Variants in SLC5A10 observed in about 807,000 individuals in gnomAD.
The protein encoded by SLC5A10 is solute carrier family 5 member 10.
Under a neutral mutation model 68.9 loss-of-function variants are expected in SLC5A10, and 55 were observed. That is an observed-to-expected ratio of 0.80 (90% CI 0.64 to 1.00). The LOEUF (loss-of-function observed/expected upper bound fraction) is 1.00. SLC5A10 is among the 50% of genes least tolerant of loss of function. SLC5A10 has a pLI of 0.00. For missense variants in SLC5A10, 732 were observed against 819.3 expected (o/e 0.89, Z 1.30); for synonymous variants, 344 against 344.8 (o/e 1.00, Z 0.02).
At chr17:19,020,301 C>T in intron 14 of SLC5A10, 24 bp from the exon 15 acceptor site, 1 of 1,613,848 alleles carries the variant, frequency 6.2e-7, no homozygotes, top group Non-Finnish European at 8.5e-7. Flanking sequence ...TCATCTGTCC[C>T]TCTCCTTCTG....
intron 9 of SLC5A10, among the ~76,000 whole-genome samples, chr17:18,983,273 C>A (rs1228048601): frequency 1.3e-5 from 2 of 152,282 alleles, no homozygotes; most frequent in Non-Finnish European, 2.9e-5. Flanking sequence ...TCACACAACC[C>A]CGTGAGGCAT....
chr17:18,981,175 C>G (rs1010659228), intron 9 of SLC5A10, among the ~76,000 whole-genome samples: 14 of 152,142 alleles, frequency 9.2e-5, no homozygotes, highest in Non-Finnish European at 1.6e-4. Context: ...CCCAGGATCG[C>G]AGAGGAGTAG....
At chr17:18,950,708 T>TTTG (rs996042627), upstream of SLC5A10, 41 of 985,324 alleles carry the variant, frequency 4.2e-5, no homozygotes, top group South Asian at 3.3e-4. Flanking sequence ...TTAATTGTTT[T>TTTG]TTGTTGTTGT....
intron 9 of SLC5A10, chr17:18,988,566 G>A (rs1188494006): frequency 7.6e-7 from 1 of 1,321,250 alleles, no homozygotes; most frequent in Non-Finnish European, 1.0e-6. Flanking sequence ...GGACCAGGAA[G>A]TGAGGGGCCA....
upstream of SLC5A10, chr17:18,952,146 C>T (rs780125147): frequency 6.4e-7 from 1 of 1,563,170 alleles, no homozygotes; most frequent in Non-Finnish European, 8.7e-7. Flanking sequence ...GAAACCCTTT[C>T]TGACCTGGTT....
chr17:19,017,620 C>A lies in SLC5A10; in HGVS notation c.1242-1803C>A. 3.7e-6 allele frequency: 2 copies of A among 534,916 alleles called. No homozygotes were observed. Among genetic ancestry groups the A allele is most frequent in the South Asian group, 2.1e-5 (1 of 47,474 alleles). 33.1% of individuals were successfully genotyped at this position (534,916 alleles called of 1,614,324 possible). A position where few individuals can be genotyped will look rare whatever the true frequency, so the allele number is the denominator to read the frequency against. On this transcript the variant is annotated intron_variant, in intron 11 of 14. Transcript: ENST00000395645. The surrounding 1 kb of genome is among the most constrained non-coding windows in gnomAD (Gnocchi z 5.6). ...CTCCCGTATGCCTGCCCCAAGCCCCCACACCTCAGTCCACTGTTCCGCCAC... is the reference window on the plus strand; with the variant it reads ...CTCCCGTATGCCTGCCCCAAGCCCCAACACCTCAGTCCACTGTTCCGCCAC...
intron 9 of SLC5A10, among the ~76,000 whole-genome samples, chr17:19,002,862 TG>T (rs1003613840): frequency 5.3e-5 from 8 of 152,110 alleles, no homozygotes; most frequent in African/African-American, 1.9e-4. Context: ...TCCCTTCCGG[TG>T]GCAAAATTCA....
chr17:18,977,010 T>G (rs1027724922), intron 9 of SLC5A10, 21 bp downstream of exon 9: 1 of 1,609,624 alleles, frequency 6.2e-7, no homozygotes, highest in African/African-American at 1.3e-5. Flanking sequence ...CTCCGGGCAC[T>G]GAACCCAGGC....
At chr17:18,974,732 C>T (rs2042937611) in intron 8 of SLC5A10, among the ~76,000 whole-genome samples, 1 of 152,228 alleles carries the variant, frequency 6.6e-6, no homozygotes, top group Non-Finnish European at 1.5e-5. Context: ...TGGCCGGCTA[C>T]ACTAGCAGCC....
chr17:18,982,524 G>A (rs2043164677), intron 9 of SLC5A10, among the ~76,000 whole-genome samples: 1 of 152,196 alleles, frequency 6.6e-6, no homozygotes, highest in Non-Finnish European at 1.5e-5. Flanking sequence ...AAAAGTCTTT[G>A]GACCCTCTGG....
At chr17:18,955,389 C>T (rs2042477891) in intron 1 of SLC5A10, among the ~76,000 whole-genome samples, 1 of 152,162 alleles carries the variant, frequency 6.6e-6, no homozygotes, top group South Asian at 2.1e-4. Context: ...TAACATGGCA[C>T]CTGCTTCATA....
intron 9 of SLC5A10, chr17:18,977,703 TTA>T: frequency 6.2e-7 from 1 of 1,610,108 alleles, no homozygotes; most frequent in Non-Finnish European, 8.5e-7. Flanking sequence ...GTCCCTCGGG[TTA>T]TATGGGGGGC....
At position 18,977,748 on chromosome 17, in the gene SLC5A10, C is replaced by T. The variant is rs572824194; in HGVS notation, c.982+759C>T. On this transcript the variant is annotated intron_variant, in intron 9 of 14. Coordinates refer to ENST00000395645, the MANE Select transcript of SLC5A10 (RefSeq NM_001042450.4). ...TGCCGGCGCGGTGGTGGGGTTGGCCCGTTGGCCACTTGCTCTGAGTGGCGC... is the reference window on the plus strand; with the variant it reads ...TGCCGGCGCGGTGGTGGGGTTGGCCTGTTGGCCACTTGCTCTGAGTGGCGC... The T allele has an allele frequency of 1.4e-4, 232 of 1,605,686 alleles. 1 individual carries two copies. Among genetic ancestry groups the T allele is most frequent in the East Asian group, 5.4e-4 (24 of 44,818 alleles).
At chr17:19,016,204 C>T (rs1008054170) in intron 11 of SLC5A10, among the ~76,000 whole-genome samples, 1 of 152,106 alleles carries the variant, frequency 6.6e-6, no homozygotes, top group South Asian at 2.1e-4. Flanking sequence ...CACCACCACG[C>T]CTGGCTACTT....
intron 9 of SLC5A10, among the ~76,000 whole-genome samples, chr17:18,994,429 A>G (rs1486094466): frequency 6.6e-6 from 1 of 152,132 alleles, no homozygotes; most frequent in Non-Finnish European, 1.5e-5. Flanking sequence ...GGAGTGCCGC[A>G]GGGGAGAGAG....
At chr17:19,020,132 C>G (rs762334871) in intron 13 of SLC5A10, 23 bp from the exon 14 acceptor site, 1 of 1,609,328 alleles carries the variant, frequency 6.2e-7, no homozygotes, top group East Asian at 2.2e-5. Context: ...ACCCCCAACC[C>G]TATCCTCACT....
rs1024344103 is a variant in SLC5A10, at chr17:18,996,018, G to A, written c.983-17392G>A. 5.3e-5 allele frequency among the ~76,000 whole-genome samples: 8 copies of A among 151,476 alleles called. No individual in the cohort carries two copies. The highest frequency in any genetic ancestry group is 1.3e-4 in the Admixed American group (2 of 15,200). On this transcript the variant is annotated intron_variant, in intron 9 of 14. Transcript: ENST00000395645. This position sits in a 1 kb window ranked among gnomAD's most constrained non-coding sequence, Gnocchi z 4.4. ...ACTTAAAGTCAGTAACAAAGAGAGC[G>A]TTAAAAACAACCAGAAGAGAAAAGA...
chr17:19,003,791 G>A lies in SLC5A10; in HGVS notation c.983-9619G>A. ...GTCCTCGGGCCCCTGAGAGGGGCCC[G>A]TGCCCCGAGGGTCCTCAGAGCCCGG... On this transcript the variant is annotated intron_variant, in intron 9 of 14. Coordinates refer to ENST00000395645, the MANE Select transcript of SLC5A10 (RefSeq NM_001042450.4). The surrounding 1 kb of genome is among the most constrained non-coding windows in gnomAD (Gnocchi z 4.5). 6.2e-7 allele frequency: 1 copy of A among 1,612,140 alleles called. No homozygotes were observed. Among genetic ancestry groups the A allele is most frequent in the African/African-American group, 1.3e-5 (1 of 75,006 alleles).
intron 9 of SLC5A10, among the ~76,000 whole-genome samples, chr17:19,006,555 C>T (rs924305401): frequency 3.9e-5 from 6 of 152,094 alleles, no homozygotes; most frequent in African/African-American, 1.4e-4. Flanking sequence ...ACCAGTTTTA[C>T]ATGCACTCAT....
Sources: gnomAD v4.1 joint callset for allele counts (sites outside exome capture counted in the v4.1 genomes callset) on GRCh38, gnomAD v4.1.1 for gene constraint, Gnocchi (gnomAD v3.1) non-coding constraint, MANE v1.5 for transcripts, NCBI Gene and HGNC (gene_info 2026-07-23, HGNC 2026-07-21) for gene names.